Variants in NALCN observed in about 807,000 individuals in gnomAD.
The protein encoded by NALCN is sodium leak channel NALCN.
Under a neutral mutation model 225.3 loss-of-function variants are expected in NALCN, and 111 were observed. That is an observed-to-expected ratio of 0.49 (90% CI 0.42 to 0.58). The LOEUF is 0.58. Among genes scored for constraint, NALCN ranks in the 20% least tolerant of loss-of-function variants. The pLI, the probability that NALCN is intolerant of heterozygous loss-of-function variation, is 0.00. For synonymous variants in NALCN, 764 were observed against 769.0 expected (o/e 0.99, Z 0.11); for missense variants, 1,378 against 2,202.4 (o/e 0.63, Z 7.49).
At chr13:101,376,587 AAG>A in intron 6 of NALCN, 111 bp downstream of exon 6, 3 of 998,430 alleles carry the variant, frequency 3.0e-6, no homozygotes, top group Non-Finnish European at 4.2e-6. Flanking sequence ...ACACAGAACA[AAG>A]AGGACATAAG....
At chr13:101,359,025 C>T (rs530528904) in intron 6 of NALCN, among the ~76,000 whole-genome samples, 66 of 149,510 alleles carry the variant, frequency 4.4e-4, no homozygotes, top group African/African-American at 1.5e-3. Context: ...TGGGGTCTGT[C>T]GCGGGGTGAG....
intron 13 of NALCN, among the ~76,000 whole-genome samples, chr13:101,215,113 C>T (rs1167758333): frequency 6.6e-6 from 1 of 152,042 alleles, no homozygotes; most frequent in Admixed American, 6.6e-5. Context: ...CCAAGTGTTC[C>T]TGAGTGGTAA....
chr13:101,113,662 A>G (rs148481252), intron 18 of NALCN, among the ~76,000 whole-genome samples: 226 of 152,370 alleles, frequency 1.5e-3, no homozygotes, highest in Middle Eastern at 6.8e-3. Flanking sequence ...TAAATACCAA[A>G]TAGTGTTTTA....
intron 10 of NALCN, among the ~76,000 whole-genome samples, chr13:101,270,002 A>T (rs1320552261): frequency 6.6e-6 from 1 of 152,262 alleles, no homozygotes; most frequent in Non-Finnish European, 1.5e-5. Context: ...GTGTCTAGAA[A>T]GAGTAGAAAA....
At chr13:101,416,701 C>T (rs939543502), upstream of NALCN, among the ~76,000 whole-genome samples, 2 of 152,134 alleles carry the variant, frequency 1.3e-5, no homozygotes, top group African/African-American at 4.8e-5. Context: ...ACTGGCAGTT[C>T]CTTCTTGCCG....
chr13:101,365,656 G>A (rs745773071), intron 6 of NALCN, among the ~76,000 whole-genome samples: 1 of 151,822 alleles, frequency 6.6e-6, no homozygotes, highest in Non-Finnish European at 1.5e-5. Flanking sequence ...ACTTCCCCTG[G>A]GCAAGGTGAC....
At chr13:101,153,986 C>T (rs1442993322) in intron 15 of NALCN, among the ~76,000 whole-genome samples, 1 of 152,188 alleles carries the variant, frequency 6.6e-6, no homozygotes, top group East Asian at 1.9e-4. Context: ...TACTGCTCCC[C>T]ATGCCTGCAA....
chr13:101,170,134 A>G (rs2038644675), intron 15 of NALCN, among the ~76,000 whole-genome samples: 1 of 152,220 alleles, frequency 6.6e-6, no homozygotes, highest in African/African-American at 2.4e-5. Flanking sequence ...AACAGGACCA[A>G]TAAAATATAC....
At chr13:101,173,986 G>C (rs191993452) in intron 15 of NALCN, among the ~76,000 whole-genome samples, 17 of 152,174 alleles carry the variant, frequency 1.1e-4, no homozygotes, top group Admixed American at 6.5e-4. Context: ...TAAAGGCCAA[G>C]ATCACTGAAA....
chr13:101,237,648 T>C (rs1170452403), intron 12 of NALCN, 107 bp downstream of exon 12: 2 of 478,220 alleles, frequency 4.2e-6, no homozygotes, highest in African/African-American at 2.1e-5. Flanking sequence ...ATAGTTATTA[T>C]ATATAAATAT....
At chr13:101,211,994 T>A (rs1362482875) in intron 13 of NALCN, among the ~76,000 whole-genome samples, 4 of 151,696 alleles carry the variant, frequency 2.6e-5, no homozygotes, top group Non-Finnish European at 2.9e-5. Context: ...AAAAAAAAAA[T>A]TAAAAAAAAT....
chr13:101,081,372 TGA>T (rs1202200512), intron 34 of NALCN, among the ~76,000 whole-genome samples, 153 bp downstream of exon 34: 1 of 152,138 alleles, frequency 6.6e-6, no homozygotes, highest in African/African-American at 2.4e-5. Context: ...CAAGCATGTC[TGA>T]GAGCCCATCA....
intron 3 of NALCN, among the ~76,000 whole-genome samples, chr13:101,382,924 T>C (rs964055315): frequency 3.9e-5 from 6 of 152,148 alleles, no homozygotes; most frequent in Non-Finnish European, 1.5e-5. Context: ...ATTTTCCCAG[T>C]GAAGTATGGA....
chr13:101,123,106 G>GT (rs2036060060), intron 18 of NALCN, among the ~76,000 whole-genome samples: 2 of 152,310 alleles, frequency 1.3e-5, no homozygotes, highest in South Asian at 2.1e-4. Flanking sequence ...TTAAGGAAGA[G>GT]TTCCTAGGGA....
At chr13:101,181,188 T>G (rs369875619) in intron 14 of NALCN, 36 of 518,620 alleles carry the variant, frequency 6.9e-5, no homozygotes, top group Middle Eastern at 6.3e-4. Context: ...AAAAGAGCTG[T>G]GAGGAACGCA....
intron 3 of NALCN, among the ~76,000 whole-genome samples, chr13:101,389,988 A>G (rs943027764): frequency 6.6e-6 from 1 of 152,194 alleles, no homozygotes; most frequent in African/African-American, 2.4e-5. Flanking sequence ...AGGCTGAGGC[A>G]GGAGAATTGC....
chr13:101,086,350 T>A (rs2033931115), intron 30 of NALCN, among the ~76,000 whole-genome samples: 1 of 152,120 alleles, frequency 6.6e-6, no homozygotes, highest in Non-Finnish European at 1.5e-5. Flanking sequence ...CTGATTTACC[T>A]ATACCTCATT....
intron 1 of NALCN, among the ~76,000 whole-genome samples, chr13:101,399,776 A>G (rs2047414233): frequency 6.6e-6 from 1 of 152,206 alleles, no homozygotes; most frequent in African/African-American, 2.4e-5. Context: ...TCATGAAATT[A>G]CATTGAGGTG....
chr13:101,254,788 G>C lies in NALCN; in HGVS notation c.1266+3655C>G. Reference sequence around the variant, plus strand: ...CGCCTGTAGTCCCAGCTACTTGGGAGGCTGAGGCAGGAGAATGGCGTGAAC... The same window carrying C: ...CGCCTGTAGTCCCAGCTACTTGGGACGCTGAGGCAGGAGAATGGCGTGAAC... On this transcript the variant is annotated intron_variant, in intron 11 of 43. Coordinates refer to ENST00000251127, the MANE Select transcript of NALCN (RefSeq NM_052867.4). 1.8e-5 allele frequency among the ~76,000 whole-genome samples: 2 copies of C among 114,052 alleles called. 1 individual carries two copies. Among genetic ancestry groups the C allele is most frequent in the Non-Finnish European group, 4.0e-5 (2 of 49,464 alleles). 74.8% of individuals were successfully genotyped at this position (114,052 alleles called of 152,430 possible).
Sources: allele counts gnomAD v4.1 joint callset (sites outside exome capture counted in the v4.1 genomes callset), GRCh38; gene constraint gnomAD v4.1.1; transcripts MANE v1.5; gene names NCBI Gene and HGNC (gene_info 2026-07-23, HGNC 2026-07-21).